HARS2: variants seen among roughly 807,000 people sequenced by gnomAD.
The protein encoded by HARS2 is histidyl-tRNA synthetase 2, mitochondrial, also known as histidine--tRNA ligase, mitochondrial.
A neutral mutation model predicts 62.4 loss-of-function variants in HARS2; 40 were observed. The observed-to-expected ratio is 0.64, with a 90% CI of 0.50 to 0.83. The LOEUF (loss-of-function observed/expected upper bound fraction) is 0.83, where lower values mean the gene tolerates loss of function less well. Ranked by LOEUF, HARS2 falls within the 40% of genes least tolerant of loss-of-function variation. The pLI, the probability that HARS2 is intolerant of heterozygous loss-of-function variation, is 0.00. For missense variants in HARS2, 569 were observed against 626.4 expected, an observed-to-expected ratio of 0.91 and a Z score of 0.98; for synonymous variants, 228 against 227.0, an observed-to-expected ratio of 1.00 and a Z score of -0.04.
At chr5:140,698,205 T>A (rs926609820) in intron 12 of HARS2, 127 bp downstream of exon 12, 8 of 969,140 alleles carry the variant, frequency 8.3e-6, no homozygotes, top group Non-Finnish European at 1.1e-5. Flanking sequence ...GAACAAACAC[T>A]CACTCAAGAT....
intron 1 of HARS2, 184 bp downstream of exon 1, chr5:140,691,940 TGGA>T: frequency 1.6e-6 from 1 of 610,760 alleles, no homozygotes; most frequent in Non-Finnish European, 2.9e-6. Context: ...CTTGAGAGGT[TGGA>T]GTTTTGATTT....
rs1759881640 is a variant in HARS2, at chr5:140,699,072, C to A, written c.*520C>A. 1 of 206,154 alleles carries A rather than the reference C, an allele frequency of 4.9e-6. No homozygotes were observed. Among genetic ancestry groups the A allele is most frequent in the African/African-American group, 2.3e-5 (1 of 43,396 alleles). The allele number at this position is 206,154 out of a possible 1,614,324, so 12.8% of individuals were successfully genotyped here. On this transcript the variant is annotated 3_prime_UTR_variant, in exon 13 of 13. Transcript: ENST00000230771. ...GCTATCCTAAGGGCATGGCAGTACC[C>A]ATGTTGATTTGACATCTCTCTAGCC...
Position 140,696,828 on chromosome 5 carries a change from CTT to C in HARS2, c.827-94_827-93del, listed in dbSNP as rs373912206. 0.061 allele frequency: 38,395 copies of C among 632,906 alleles called. 14 individuals carry two copies. Among genetic ancestry groups the C allele is most frequent in the East Asian group, 0.08 (2,430 of 30,308 alleles). The allele number at this position is 632,906 out of a possible 1,614,324, so 39.2% of individuals were successfully genotyped here. On this transcript the variant is annotated intron_variant, in intron 8 of 12. Transcript: ENST00000230771. ...GGGTCTTGTCATGTGAGACTGGGAT[CTT>C]TTTTTTTTTTTTTTTTTTTTAAAGA...
At position 140,693,657 on chromosome 5, in the gene HARS2, A is replaced by T. The variant is rs1234454508; in HGVS notation, c.175A>T (p.Thr59Ser). 1.9e-6 allele frequency: 3 copies of T among 1,613,094 alleles called. No homozygotes were observed. The highest frequency in any genetic ancestry group is 2.7e-5 in the African/African-American group (2 of 74,860). The change falls in exon 2 of 13, where the codon ACC (threonine) becomes TCC (serine). Residue 59 changes from threonine to serine, a missense_variant. By Grantham distance (58) the Thr-to-Ser change is moderately conservative. Coordinates refer to ENST00000230771, the MANE Select transcript of HARS2 (RefSeq NM_012208.4). ...AGAGAAACCAAATTTTATTATCAAGACCCCAAAGGTAATACTTTTTGCCTA... is the reference window on the plus strand; with the variant it reads ...AGAGAAACCAAATTTTATTATCAAGTCCCCAAAGGTAATACTTTTTGCCTA... The part of the protein sequence containing the change: ...HQEKPNFIIK[T>S]PKGTRDLSPQ...
rs758437147 is a variant in HARS2 at position 140,697,996 on chromosome 5, G to A, written c.1379G>A (p.Gly460Asp). 4 of 1,613,714 alleles carry A rather than the reference G, an allele frequency of 2.5e-6. No homozygotes were observed. Among genetic ancestry groups the A allele is most frequent in the Non-Finnish European group, 3.4e-6 (4 of 1,179,732 alleles). Reference protein sequence around the residue: ...LTQLHYCESTGIPLVVIIGEQ... With the variant: ...LTQLHYCESTDIPLVVIIGEQ... ...CAGCTGCACTATTGTGAGAGCACAG[G>A]CATTCCACTGGTGGTCATTATTGGT... is the stretch of plus-strand genomic sequence containing the variant. Residue 460 changes from glycine to aspartate, a missense_variant, in exon 12 of 13, where the codon GGC becomes GAC. Transcript: ENST00000230771.
intron 1 of HARS2, among the ~76,000 whole-genome samples, chr5:140,693,192 C>T (rs952749484): frequency 1.3e-5 from 2 of 151,240 alleles, no homozygotes; most frequent in South Asian, 2.1e-4. Context: ...ATTAGCTGGG[C>T]GTGGTGGTGG....
In HARS2 at chr5:140,697,405, A is replaced by C; in HGVS notation, c.1196A>C (p.Lys399Thr). The C allele has an allele frequency of 6.2e-7, 1 of 1,613,802 alleles. No homozygotes were observed. The highest frequency in any genetic ancestry group is 8.5e-7 in the Non-Finnish European group (1 of 1,180,022). Residue 399 changes from lysine (K) to threonine (T), a missense_variant and splice_region_variant, in exon 10 of 13, where the codon AAG becomes ACG. Lys to Thr is a moderately conservative substitution (Grantham distance 78). Coordinates refer to ENST00000230771, the MANE Select transcript of HARS2 (RefSeq NM_012208.4). Reference sequence around the variant, plus strand: ...TTCTACATTGTGGAGCAGAGGATGAAGGTAGGTCCTAGATAGGTGTGAGGT... The same window carrying C: ...TTCTACATTGTGGAGCAGAGGATGACGGTAGGTCCTAGATAGGTGTGAGGT... The part of the protein sequence containing the change: ...RIFYIVEQRM[K>T]TKGEKVRTTE...
At chr5:140,692,885 C>CT (rs1759574159) in intron 1 of HARS2, among the ~76,000 whole-genome samples, 1 of 148,952 alleles carries the variant, frequency 6.7e-6, no homozygotes, top group South Asian at 2.1e-4. Flanking sequence ...GAGTAAGACT[C>CT]TATCTGAAAA....
In HARS2 at chr5:140,693,973, G is replaced by C; in HGVS notation, c.222G>C (p.Arg74Ser). 6.2e-7 allele frequency: 1 copy of C among 1,614,056 alleles called. No individual in the cohort carries two copies. The highest frequency in any genetic ancestry group is 8.5e-7 in the Non-Finnish European group (1 of 1,179,932). The change falls in exon 3 of 13, where the codon AGG becomes AGC. Residue 74 changes from arginine (R) to serine (S), a missense_variant. Coordinates refer to ENST00000230771, the MANE Select transcript of HARS2 (RefSeq NM_012208.4). ...TTAGTCCTCAGCATATGGTTGTGAG[G>C]GAGAAAATTCTTGATTTGGTTATCA... The part of the protein sequence containing the change: ...RDLSPQHMVV[R>S]EKILDLVISC...
At position 140,695,762 on chromosome 5, in the gene HARS2, G is replaced by C. The variant is rs777100956; in HGVS notation, c.550G>C (p.Asp184His). ...GGATTTTGACATTGCTGGTCAGTTT[G>C]ACCCTATGATCCCCGATGCAGAGTG... is the stretch of plus-strand genomic sequence containing the variant. ...QCDFDIAGQF[D>H]PMIPDAECLK... The change falls in exon 6 of 13, where the codon GAC becomes CAC. Residue 184 changes from aspartate to histidine, a missense_variant. Physicochemically the swap from Asp to His is moderately conservative, Grantham distance 81. Coordinates refer to ENST00000230771, the MANE Select transcript of HARS2 (RefSeq NM_012208.4). 1.2e-6 allele frequency: 2 copies of C among 1,613,958 alleles called. No individual in the cohort carries two copies. The highest frequency in any genetic ancestry group is 1.7e-6 in the Non-Finnish European group (2 of 1,179,874).
intron 4 of HARS2, among the ~76,000 whole-genome samples, chr5:140,694,965 G>A (rs1199137906): frequency 6.6e-6 from 1 of 151,084 alleles, no homozygotes; most frequent in African/African-American, 2.4e-5. Flanking sequence ...AATTTTTTTT[G>A]TGGAGATGGG....
chr5:140,693,399 T>C (rs1759614975), intron 1 of HARS2, 192 bp from the exon 2 acceptor site: 6 of 1,111,156 alleles, frequency 5.4e-6, no homozygotes, highest in Middle Eastern at 2.6e-4. Flanking sequence ...CTCATATATA[T>C]TACACGTGTA....
At position 140,691,538 on chromosome 5, in the gene HARS2, C is replaced by A. The variant is rs992352430; in HGVS notation, c.-111C>A. 6.5e-5 allele frequency: 53 copies of A among 812,898 alleles called. No individual in the cohort carries two copies. The Middle Eastern group carries it at 2.4e-3, about 36-fold the overall frequency. The allele number at this position is 812,898 out of a possible 1,614,324, so 50.4% of individuals were successfully genotyped here. A position where few individuals can be genotyped will look rare whatever the true frequency, so the allele number is the denominator to read the frequency against. On this transcript the variant is annotated 5_prime_UTR_variant, in exon 1 of 13. Coordinates refer to ENST00000230771, the MANE Select transcript of HARS2 (RefSeq NM_012208.4). ...GAGGTGCGCAAACGCCCGAGTTTTC[C>A]CTGGTGCGCGGGTTCCGCCTTTGCA...
chr5:140,693,601 CA>C lies in HARS2; in HGVS notation c.120del (p.Val41CysfsTer2). The C allele has an allele frequency of 1.2e-6, 2 of 1,613,628 alleles. No individual in the cohort carries two copies. Among genetic ancestry groups the C allele is most frequent in the Non-Finnish European group, 1.7e-6 (2 of 1,179,574 alleles). On this transcript the variant is annotated frameshift_variant, in exon 2 of 13. Coordinates refer to ENST00000230771, the MANE Select transcript of HARS2 (RefSeq NM_012208.4). LOFTEE classifies it high-confidence loss of function. ...AVRCQSQVAEAVLTSQLKAHQ... is the reference protein window; with the variant it reads ...AVRCQSQVAEXVLTSQLKAHQ... ...TCATTCTTCTGCCAGGTTGCAGAGG[CA>C]GTGTTAACATCCCAACTGAAAGCAC...
rs574659187 is a variant in HARS2, at chr5:140,697,495, C to T, written c.1198-74C>T. 11 of 1,604,318 alleles carry T rather than the reference C, an allele frequency of 6.9e-6. No individual in the cohort carries two copies. The African/African-American group carries it at 1.2e-4, about 18-fold the overall frequency. On this transcript the variant is annotated intron_variant, in intron 10 of 12. Transcript: ENST00000230771. ...TAGTTGGAGTGGTTTTCTGATGATTCTTTTTGTCTTGATTTTTGGAATTGC... is the reference window on the plus strand; with the variant it reads ...TAGTTGGAGTGGTTTTCTGATGATTTTTTTTGTCTTGATTTTTGGAATTGC...
intron 11 of HARS2, 51 bp downstream of exon 11, chr5:140,697,736 C>A (rs747268587): frequency 1.5e-6 from 2 of 1,357,614 alleles, no homozygotes; most frequent in Non-Finnish European, 2.1e-6. Flanking sequence ...GAATTTAGGA[C>A]CCAGGGCTAT....
chr5:140,696,862 G>T (rs1349214211), intron 8 of HARS2, 81 bp from the exon 9 acceptor site: 5 of 1,095,834 alleles, frequency 4.6e-6, no homozygotes, highest in South Asian at 1.4e-5. Context: ...AAGAAAATGA[G>T]GAAGACTAGC....
chr5:140,695,444 A>G, intron 4 of HARS2, 64 bp from the exon 5 acceptor site: 2 of 1,502,292 alleles, frequency 1.3e-6, no homozygotes, highest in Non-Finnish European at 1.8e-6. Context: ...GTCCTCCCTA[A>G]TGTCTGTATA....
At chr5:140,698,409 G>C (rs1759845665) in intron 12 of HARS2, 84 bp from the exon 13 acceptor site, 1 of 1,033,672 alleles carries the variant, frequency 9.7e-7, no homozygotes, top group Admixed American at 1.7e-5. Flanking sequence ...AGAAGATGCA[G>C]AGTAAAACAA....
Sources: gnomAD v4.1 joint callset for allele counts (sites outside exome capture counted in the v4.1 genomes callset) on GRCh38, gnomAD v4.1.1 for gene constraint, MANE v1.5 for transcripts, NCBI Gene and HGNC (gene_info 2026-07-23, HGNC 2026-07-21) for gene names.